CSMD1: variants seen among roughly 807,000 people sequenced by gnomAD.
The protein encoded by CSMD1 is CUB and Sushi multiple domains 1.
In CSMD1, 213 loss-of-function variants were observed where a neutral mutation model predicts 417.5. The ratio of observed to expected loss-of-function variants is 0.51; its 90% CI spans 0.46 to 0.57. The LOEUF (loss-of-function observed/expected upper bound fraction) is 0.57, where lower values mean the gene tolerates loss of function less well. CSMD1 is among the 20% of genes least tolerant of loss of function. CSMD1 has a pLI of 0.00. For missense variants in CSMD1, 6,923 were observed against 4,529.7 expected (o/e 1.53, Z -15.17); for synonymous variants, 2,862 against 1,736.8 (o/e 1.65, Z -16.11).
In CSMD1 at chr8:3,949,740, C is replaced by G. The variant is rs1811482261; in HGVS notation, c.818+48163G>C. 1.3e-5 allele frequency among the ~76,000 whole-genome samples: 2 copies of G among 152,106 alleles called. 1 individual carries two copies. Among genetic ancestry groups the G allele is most frequent in the South Asian group, 4.1e-4 (2 of 4,822 alleles). On this transcript the variant is annotated intron_variant, in intron 5 of 69. Transcript: ENST00000635120. ...ATGGTATGAGCAATGGGGACTTGAT[C>G]CCACCAGGATCTCCAAGAAGCGCAC...
chr8:4,858,668 G>A (rs1801949702), intron 1 of CSMD1, among the ~76,000 whole-genome samples: 3 of 151,334 alleles, frequency 2.0e-5, no homozygotes, highest in South Asian at 4.2e-4. Flanking sequence ...ATTCACAATT[G>A]CTTCAAAGAG....
At chr8:3,875,421 T>C (rs1027263073) in intron 5 of CSMD1, among the ~76,000 whole-genome samples, 1 of 152,048 alleles carries the variant, frequency 6.6e-6, no homozygotes, top group Middle Eastern at 3.4e-3. Flanking sequence ...ATTGGAGGAG[T>C]TCCTGCAGGA....
intron 2 of CSMD1, among the ~76,000 whole-genome samples, chr8:4,483,643 A>AT (rs914017928): frequency 6.6e-6 from 1 of 152,192 alleles, no homozygotes; most frequent in African/African-American, 2.4e-5. Flanking sequence ...GCAAAATGTG[A>AT]TTTTTGGGCT....
intron 2 of CSMD1, among the ~76,000 whole-genome samples, chr8:4,522,637 A>G (rs951809422): frequency 6.6e-6 from 1 of 152,126 alleles, no homozygotes; most frequent in East Asian, 1.9e-4. Context: ...CTTTCTGACT[A>G]TAGGTTCGGA....
intron 3 of CSMD1, among the ~76,000 whole-genome samples, chr8:4,066,987 C>A (rs1426897679): frequency 6.6e-6 from 1 of 152,240 alleles, no homozygotes; most frequent in African/African-American, 2.4e-5. Context: ...TCTAAAGCAA[C>A]TCCACAACTG....
At chr8:4,111,256 C>A (rs117117952) in intron 3 of CSMD1, among the ~76,000 whole-genome samples, 4 of 152,012 alleles carry the variant, frequency 2.6e-5, no homozygotes, top group African/African-American at 9.7e-5. Flanking sequence ...TATCATCAGT[C>A]AGTTTGTTTT....
At chr8:4,415,709 G>T (rs980581620) in intron 3 of CSMD1, among the ~76,000 whole-genome samples, 1 of 152,174 alleles carries the variant, frequency 6.6e-6, no homozygotes, top group Non-Finnish European at 1.5e-5. Flanking sequence ...TTAAATAAAT[G>T]AGAGAAGAAA....
chr8:4,519,936 C>CGT (rs67711521), intron 2 of CSMD1, among the ~76,000 whole-genome samples: 42,183 of 146,792 alleles, frequency 0.29, 6,798 homozygotes, highest in Non-Finnish European at 0.36. Flanking sequence ...TGTGTGTGTG[C>CGT]GTGTGTGTGT....
chr8:3,169,660 T>C (rs1820458062), intron 37 of CSMD1, among the ~76,000 whole-genome samples: 1 of 152,154 alleles, frequency 6.6e-6, no homozygotes, highest in African/African-American at 2.4e-5. Flanking sequence ...TGTCATGTTA[T>C]TTATATTTTT....
chr8:3,628,670 G>A (rs772768602), intron 7 of CSMD1, among the ~76,000 whole-genome samples: 4 of 151,946 alleles, frequency 2.6e-5, no homozygotes, highest in African/African-American at 4.8e-5. Context: ...CCTCACAGGC[G>A]CCCCGAGAAG....
chr8:4,870,940 C>A (rs1802701301), intron 1 of CSMD1, among the ~76,000 whole-genome samples: 1 of 152,114 alleles, frequency 6.6e-6, no homozygotes, highest in African/African-American at 2.4e-5. Context: ...AGGGATGGAG[C>A]CTCATTCAAA....
chr8:3,090,316 CAAAAAAAAAAAAAAAAAA>C (rs35534326), intron 48 of CSMD1, among the ~76,000 whole-genome samples: 25 of 79,790 alleles, frequency 3.1e-4, no homozygotes, highest in African/African-American at 1.1e-3. Flanking sequence ...GACTGTATTT[CAAAAAAAAAAAAAAAAAA>C]AAAAAAAGAG....
In CSMD1 at chr8:4,906,983, G is replaced by A. The variant is rs150825313; in HGVS notation, c.85+87349C>T. Among the ~76,000 whole-genome samples, 14 of 152,190 alleles carry A rather than the reference G, an allele frequency of 9.2e-5. No homozygotes were observed. In the East Asian group the frequency reaches 2.7e-3, roughly 29 times the overall value. Reference sequence around the variant, plus strand: ...CTTGCCTACTAAATATAGCACAATTGTACTTATTCAAGACTTAATTCATCT... The same window carrying A: ...CTTGCCTACTAAATATAGCACAATTATACTTATTCAAGACTTAATTCATCT... On this transcript the variant is annotated intron_variant, in intron 1 of 69. Coordinates refer to ENST00000635120, the MANE Select transcript of CSMD1 (RefSeq NM_033225.6).
chr8:4,196,167 C>T (rs770820576), intron 3 of CSMD1, among the ~76,000 whole-genome samples: 9 of 152,012 alleles, frequency 5.9e-5, no homozygotes, highest in Non-Finnish European at 1.2e-4. Flanking sequence ...GCCGAGATCG[C>T]GCCACTGCAC....
intron 3 of CSMD1, among the ~76,000 whole-genome samples, chr8:4,177,772 C>G (rs1370393588): frequency 6.6e-6 from 1 of 151,650 alleles, no homozygotes; most frequent in Non-Finnish European, 1.5e-5. Context: ...CACTGAAATA[C>G]AAACTGCCAT....
At position 4,016,752 on chromosome 8, in the gene CSMD1, G is replaced by C. The variant is rs1457970898; in HGVS notation, c.610+15153C>G. Among the ~76,000 whole-genome samples, 5 of 152,256 alleles carry C rather than the reference G, an allele frequency of 3.3e-5. 1 individual carries two copies. Among genetic ancestry groups the C allele is most frequent in the South Asian group, 4.1e-4 (2 of 4,824 alleles). The stretch of plus-strand genomic sequence containing the variant: ...TAGCCAAACCACCCTCTTGGGTTAA[G>C]GGCTCTGTTGACCTAAGTTTATGTG... On this transcript the variant is annotated intron_variant, in intron 4 of 69. Transcript: ENST00000635120.
chr8:3,142,131 G>C (rs1426083390), intron 41 of CSMD1, among the ~76,000 whole-genome samples: 1 of 152,150 alleles, frequency 6.6e-6, no homozygotes, highest in Non-Finnish European at 1.5e-5. Flanking sequence ...ATCCCTGAAT[G>C]CTGGGGAGAC....
intron 33 of CSMD1, among the ~76,000 whole-genome samples, chr8:3,192,202 T>TAATGATTTA (rs1276849561): frequency 2.0e-5 from 3 of 152,220 alleles, no homozygotes; most frequent in African/African-American, 7.2e-5. Flanking sequence ...GGAAAATAAT[T>TAATGATTTA]AATGATTTAT....
chr8:4,571,314 C>T (rs199688899), intron 2 of CSMD1, among the ~76,000 whole-genome samples: 16 of 152,152 alleles, frequency 1.1e-4, no homozygotes, highest in East Asian at 9.7e-4. Flanking sequence ...CTGCTTTAGC[C>T]GTGTCCCAGA....
Sources: gnomAD v4.1 joint callset for allele counts (sites outside exome capture counted in the v4.1 genomes callset) on GRCh38, gnomAD v4.1.1 for gene constraint, MANE v1.5 for transcripts, NCBI Gene and HGNC (gene_info 2026-07-23, HGNC 2026-07-21) for gene names.